Variants in CNTNAP2 observed in about 807,000 individuals in gnomAD.
The protein encoded by CNTNAP2 is contactin-associated protein-like 2.
In CNTNAP2, 98 loss-of-function variants were observed where a neutral mutation model predicts 155.2. The ratio of observed to expected loss-of-function variants is 0.63; its 90% CI spans 0.54 to 0.75. The LOEUF is 0.75. CNTNAP2 is among the 30% of genes least tolerant of loss of function. CNTNAP2 has a pLI of 0.00. For synonymous variants in CNTNAP2, 651 were observed against 631.2 expected, an observed-to-expected ratio of 1.03 and a Z score of -0.47; for missense variants, 1,727 against 1,688.1, an observed-to-expected ratio of 1.02 and a Z score of -0.40.
At chr7:148,218,936 C>CTTTTTTTTTT (rs746349465) in intron 19 of CNTNAP2, among the ~76,000 whole-genome samples, 8 of 73,646 alleles carry the variant, frequency 1.1e-4, no homozygotes, top group African/African-American at 2.3e-4. Flanking sequence ...TAAGATCACT[C>CTTTTTTTTTT]TTTTTTTTTT....
In CNTNAP2 at chr7:147,850,208, AG is replaced by A. The variant is rs531129624; in HGVS notation, c.2099-53354del. ...AAAACAGCTAGGAATCCAACTTATA[AG>A]GGATGTGAAGGACCTCTTCAAGGAG... On this transcript the variant is annotated intron_variant, in intron 13 of 23. Transcript: ENST00000361727. Among the ~76,000 whole-genome samples, 686 of 152,342 alleles carry A rather than the reference AG, an allele frequency of 4.5e-3. 2 individuals carry two copies. The highest frequency in any genetic ancestry group is 0.016 in the African/African-American group (654 of 41,574).
At chr7:147,195,984 G>T (rs564502904) in intron 8 of CNTNAP2, among the ~76,000 whole-genome samples, 2 of 152,184 alleles carry the variant, frequency 1.3e-5, no homozygotes, top group South Asian at 4.1e-4. Context: ...AGGTAATTAC[G>T]TTAAAATGAG....
rs182174514 is a variant in CNTNAP2, at chr7:147,935,267, C to T, written c.2255+31546C>T. On this transcript the variant is annotated intron_variant, in intron 14 of 23. Coordinates refer to ENST00000361727, the MANE Select transcript of CNTNAP2 (RefSeq NM_014141.6). The stretch of plus-strand genomic sequence containing the variant: ...TCAGCCTCCAGAGTAGCTGGGATTA[C>T]AGGCACACGTCACCACACCTGGCTA... 1.1e-4 allele frequency among the ~76,000 whole-genome samples: 16 copies of T among 152,146 alleles called. No homozygotes were observed. In the East Asian group the frequency reaches 2.7e-3, roughly 26 times the overall value.
intron 8 of CNTNAP2, among the ~76,000 whole-genome samples, chr7:147,170,355 C>G (rs1007104058): frequency 3.3e-5 from 5 of 152,010 alleles, no homozygotes; most frequent in African/African-American, 1.2e-4. Flanking sequence ...AGAGGGGTAA[C>G]CCCCTCACCA....
At chr7:146,340,168 C>CAAAAAAAAAAA (rs1195946572) in intron 1 of CNTNAP2, among the ~76,000 whole-genome samples, 22 of 54,788 alleles carry the variant, frequency 4.0e-4, no homozygotes, top group South Asian at 8.1e-4. Flanking sequence ...GACTCCGCCT[C>CAAAAAAAAAAA]AAAAAAAAAA....
intron 1 of CNTNAP2, among the ~76,000 whole-genome samples, chr7:146,371,857 G>A (rs1335369694): frequency 6.6e-6 from 1 of 151,834 alleles, no homozygotes. Context: ...TACTCGTGAG[G>A]CTGAGGCGGG....
intron 9 of CNTNAP2, among the ~76,000 whole-genome samples, chr7:147,376,881 C>T (rs917774334): frequency 2.0e-5 from 3 of 151,870 alleles, no homozygotes; most frequent in Non-Finnish European, 2.9e-5. Context: ...TACTATAGCA[C>T]TAAGATTGGT....
intron 10 of CNTNAP2, among the ~76,000 whole-genome samples, chr7:147,478,087 G>A (rs1438895025): frequency 6.6e-6 from 1 of 151,944 alleles, no homozygotes; most frequent in Non-Finnish European, 1.5e-5. Flanking sequence ...CATCAAAGTA[G>A]AGGAACTGCA....
intron 1 of CNTNAP2, among the ~76,000 whole-genome samples, chr7:146,755,582 G>T (rs949312974): frequency 6.6e-6 from 1 of 151,932 alleles, no homozygotes; most frequent in Admixed American, 6.6e-5. Flanking sequence ...CCAATAAGTG[G>T]AACTTAGAAA....
intron 1 of CNTNAP2, among the ~76,000 whole-genome samples, chr7:146,346,711 A>T (rs78826821): frequency 1.3e-5 from 2 of 151,066 alleles, no homozygotes; most frequent in African/African-American, 4.9e-5. Context: ...GGTCCAAAGG[A>T]AAAAAAAAGA....
At chr7:146,832,918 A>T (rs1315917740) in intron 2 of CNTNAP2, among the ~76,000 whole-genome samples, 1 of 151,658 alleles carries the variant, frequency 6.6e-6, no homozygotes, top group Non-Finnish European at 1.5e-5. Flanking sequence ...CTGATCTCGA[A>T]CTCTTGACCT....
chr7:148,231,910 T>G (rs73474262), intron 20 of CNTNAP2, among the ~76,000 whole-genome samples: 1 of 151,916 alleles, frequency 6.6e-6, no homozygotes. Context: ...GGAGTGAAAA[T>G]TTTGGATGCA....
intron 21 of CNTNAP2, among the ~76,000 whole-genome samples, chr7:148,329,515 G>C (rs1797948998): frequency 2.6e-5 from 4 of 152,060 alleles, no homozygotes; most frequent in Admixed American, 2.6e-4. Flanking sequence ...GCGGGCTGTG[G>C]GTCACAGTAT....
At chr7:146,970,195 A>C (rs914587259) in intron 3 of CNTNAP2, among the ~76,000 whole-genome samples, 7 of 152,212 alleles carry the variant, frequency 4.6e-5, no homozygotes, top group East Asian at 1.9e-4. Context: ...GCAACAAAAG[A>C]CAAAATTGAC....
intron 13 of CNTNAP2, among the ~76,000 whole-genome samples, chr7:147,839,829 GGAATCACCGTAA>G (rs1373211923): frequency 5.9e-5 from 9 of 152,016 alleles, no homozygotes; most frequent in African/African-American, 2.2e-4. Context: ...GCAAAGATAT[GGAATCACCGTAA>G]GTGTCTAATG....
At chr7:147,015,828 A>C (rs1798714618) in intron 3 of CNTNAP2, among the ~76,000 whole-genome samples, 1 of 152,092 alleles carries the variant, frequency 6.6e-6, no homozygotes, top group African/African-American at 2.4e-5. Flanking sequence ...TCTCTAATAT[A>C]TCCTACACAT....
At chr7:147,880,006 G>A (rs1799491801) in intron 13 of CNTNAP2, among the ~76,000 whole-genome samples, 1 of 152,168 alleles carries the variant, frequency 6.6e-6, no homozygotes, top group African/African-American at 2.4e-5. Context: ...TGAAAACAGT[G>A]GTGATGAGAT....
intron 1 of CNTNAP2, among the ~76,000 whole-genome samples, chr7:146,118,546 T>C (rs1382842407): frequency 6.6e-6 from 1 of 152,054 alleles, no homozygotes; most frequent in Non-Finnish European, 1.5e-5. Context: ...ATATATTAAA[T>C]TTATTATATT....
chr7:146,831,650 T>TA (rs1803513677), intron 2 of CNTNAP2, among the ~76,000 whole-genome samples: 1 of 114,938 alleles, frequency 8.7e-6, no homozygotes, highest in African/African-American at 3.5e-5. Context: ...CACTCCAGCC[T>TA]GGCGACAGAG....
Sources: gnomAD v4.1 joint callset for allele counts (sites outside exome capture counted in the v4.1 genomes callset) on GRCh38, gnomAD v4.1.1 for gene constraint, MANE v1.5 for transcripts, NCBI Gene and HGNC (gene_info 2026-07-23, HGNC 2026-07-21) for gene names.